The following SEPTIN4 variants were observed in gnomAD, a reference collection of about 807,000 sequenced individuals.
SEPTIN4 encodes the protein septin 4.
SEPTIN4 carries 52 observed loss-of-function variants against 107.1 expected under a neutral mutation model. The ratio of observed to expected loss-of-function variants is 0.49; its 90% confidence interval spans 0.39 to 0.61. The LOEUF is 0.61. Ranked by LOEUF, SEPTIN4 falls within the 20% of genes least tolerant of loss-of-function variation. SEPTIN4 has a pLI of 0.00. For missense variants in SEPTIN4, 1,048 were observed against 1,243.5 expected (o/e 0.84, Z 2.36); for synonymous variants, 417 against 467.0 (o/e 0.89, Z 1.38).
chr17:58,541,714 G>A (rs761574969), intron 2 of SEPTIN4: 1,467 of 1,427,156 alleles, frequency 1.0e-3, no homozygotes, highest in Non-Finnish European at 1.2e-3. Flanking sequence ...GGAGACTCTT[G>A]AAAATGGAAA....
rs775478208 is a variant in SEPTIN4 at position 58,541,980 on chromosome 17, A to G, written c.1562-14T>C. On this transcript the variant is annotated splice_polypyrimidine_tract_variant and intron_variant, in intron 1 of 13. Coordinates refer to ENST00000672673, the MANE Select transcript of SEPTIN4 (RefSeq NM_001368771.2). ...CCTCAGAGACATCTGAAAGTAACAGAGAGATGGTTGCTTTTCTTCTCTCTG... is the reference window on the plus strand; with the variant it reads ...CCTCAGAGACATCTGAAAGTAACAGGGAGATGGTTGCTTTTCTTCTCTCTG... The G allele has an allele frequency of 1.2e-6, 2 of 1,613,196 alleles. No homozygotes were observed. The highest frequency in any genetic ancestry group is 1.7e-6 in the Non-Finnish European group (2 of 1,179,638).
At position 58,526,731 on chromosome 17, in the gene SEPTIN4, G is replaced by T. The variant is rs746550218; in HGVS notation, c.1862C>A (p.Ala621Asp). 7 of 1,609,158 alleles carry T rather than the reference G, an allele frequency of 4.4e-6. No homozygotes were observed. The highest frequency in any genetic ancestry group is 5.9e-6 in the Non-Finnish European group (7 of 1,178,136). ...CTTGCCCCATGGGCTGCGGGGCCTG[G>T]CAGATGGGCTGAGAGGGGCTGGGGC... ...FCAPAPLSPS[A>D]RPRSPWGKLD... The change falls in exon 4 of 14, where the codon GCC becomes GAC. Residue 621 changes from alanine (A) to aspartate (D), a missense_variant. By Grantham distance (126) the Ala-to-Asp change is moderately radical. This residue lies in a region of SEPTIN4 where 787 missense variants were observed against 871.8 expected (regional missense o/e 0.90). Transcript: ENST00000672673.
Position 58,543,374 on chromosome 17 carries a change from T to A in SEPTIN4, c.813A>T (p.Ser271=). 6.2e-7 allele frequency: 1 copy of A among 1,614,206 alleles called. No individual in the cohort carries two copies. Among genetic ancestry groups the A allele is most frequent in the Non-Finnish European group, 8.5e-7 (1 of 1,180,044 alleles). ...CTTTAAGGACAGAGAGTTTGAGCAA[T>A]GAGTCCAAGTTCATATTCCTATACA... ...KALYRNMNLD[S]LLKLSVLKDS... Residue 271 remains serine (S), a synonymous_variant, in exon 1 of 14, where the codon TCA becomes TCT. Transcript: ENST00000672673.
intron 3 of SEPTIN4, among the ~76,000 whole-genome samples, chr17:58,535,387 A>C (rs2043674654): frequency 6.6e-6 from 1 of 152,216 alleles, no homozygotes; most frequent in Non-Finnish European, 1.5e-5. Flanking sequence ...GCAGGGCCAT[A>C]GGAGCTCAGG....
chr17:58,526,336 G>T lies in SEPTIN4; in HGVS notation c.1912-23C>A. The T allele has an allele frequency of 1.3e-6, 2 of 1,521,622 alleles. 1 individual carries two copies. Among genetic ancestry groups the T allele is most frequent in the Middle Eastern group, 3.5e-4 (2 of 5,706 alleles). 94.3% of individuals were successfully genotyped at this position (1,521,622 alleles called of 1,614,324 possible). A position where few individuals can be genotyped will look rare whatever the true frequency, so the allele number is the denominator to read the frequency against. ...ATCCTAGTAGACAGGAAGGCAGAATGCATCACGGTGAGGAGCCAAAGGGGC... is the reference window on the plus strand; with the variant it reads ...ATCCTAGTAGACAGGAAGGCAGAATTCATCACGGTGAGGAGCCAAAGGGGC... On this transcript the variant is annotated intron_variant, in intron 4 of 13. Transcript: ENST00000672673.
At chr17:58,536,327 T>C (rs1225615935) in intron 3 of SEPTIN4, among the ~76,000 whole-genome samples, 1 of 152,204 alleles carries the variant, frequency 6.6e-6, no homozygotes, top group Non-Finnish European at 1.5e-5. Context: ...ATTATCAACA[T>C]CAAACCAGTA....
rs748592991 is a variant in SEPTIN4 at position 58,521,108 on chromosome 17, A to G, written c.2721T>C (p.Arg907=). ...CATCCTTCAGGTCCTGCATGTGGGTACGTACCAGCATTGTCCTCAGCTTCA... is the reference window on the plus strand; with the variant it reads ...CATCCTTCAGGTCCTGCATGTGGGTGCGTACCAGCATTGTCCTCAGCTTCA... ...DFVKLRTMLV[R]THMQDLKDVT... is the part of the protein sequence containing the mutation. The change falls in exon 12 of 14, where the codon CGT becomes CGC. Residue 907 remains arginine, a synonymous_variant. Coordinates refer to ENST00000672673, the MANE Select transcript of SEPTIN4 (RefSeq NM_001368771.2). The surrounding 1 kb of genome is among the most constrained non-coding windows in gnomAD (Gnocchi z 6.4). 27 of 1,614,156 alleles carry G rather than the reference A, an allele frequency of 1.7e-5. No homozygotes were observed. Among genetic ancestry groups the G allele is most frequent in the South Asian group, 1.3e-4 (12 of 91,074 alleles).
At chr17:58,536,549 C>T (rs1374295517) in intron 3 of SEPTIN4, among the ~76,000 whole-genome samples, 2 of 152,162 alleles carry the variant, frequency 1.3e-5, no homozygotes, top group Non-Finnish European at 2.9e-5. Flanking sequence ...TCAGACCTAC[C>T]GACCCAAATT....
chr17:58,521,286 C>T lies in SEPTIN4; in HGVS notation c.2636G>A (p.Arg879Gln), dbSNP rs201800975. Residue 879 changes from arginine (R) to glutamine (Q), a missense_variant, in exon 11 of 14, where the codon CGG becomes CAG. Physicochemically the swap from Arg to Gln is conservative, Grantham distance 43. This residue lies in a region of SEPTIN4 where 261 missense variants were observed against 371.7 expected (regional missense o/e 0.70). Transcript: ENST00000672673. This position sits in a 1 kb window ranked among gnomAD's most constrained non-coding sequence, Gnocchi z 6.4. ...GATGCCCCAGGGGTAGAGTCGACCC[C>T]GAACTCGCCGCCCTCTGGCCTCTAC... Reference protein sequence around the residue: ...TVVEARGRRVRGRLYPWGIVE... With the variant: ...TVVEARGRRVQGRLYPWGIVE... 1.1e-5 allele frequency: 17 copies of T among 1,614,192 alleles called. No individual in the cohort carries two copies. Among genetic ancestry groups the T allele is most frequent in the Admixed American group, 3.3e-5 (2 of 60,032 alleles).
At chr17:58,532,278 G>A (rs2043539484) in intron 3 of SEPTIN4, 1 of 205,504 alleles carries the variant, frequency 4.9e-6, no homozygotes, top group Non-Finnish European at 9.1e-6. Flanking sequence ...CTCGTCCCCG[G>A]GCTGCACTGG....
At chr17:58,523,724 A>T (rs1014395970) in intron 7 of SEPTIN4, among the ~76,000 whole-genome samples, 3 of 151,882 alleles carry the variant, frequency 2.0e-5, no homozygotes, top group African/African-American at 7.3e-5. Context: ...ATTCTTAAAA[A>T]TTTTGAACAC....
chr17:58,541,888 C>T (rs2043886129), intron 2 of SEPTIN4, 34 bp downstream of exon 2: 1 of 1,614,148 alleles, frequency 6.2e-7, no homozygotes, highest in Non-Finnish European at 8.5e-7. Context: ...CCCCAAGCTC[C>T]CACAGTGGGC....
rs1343995203 is a variant in SEPTIN4, at chr17:58,543,512, T to C, written c.675A>G (p.Leu225=). 4.3e-6 allele frequency: 7 copies of C among 1,614,102 alleles called. No individual in the cohort carries two copies. The African/African-American group carries it at 6.7e-5, about 15-fold the overall frequency. Residue 225 remains leucine, a synonymous_variant, in exon 1 of 14, where the codon CTA becomes CTG. Transcript: ENST00000672673. ...EIRSPRSPSL[L]EHGSSCVSAD... ...CAGAGACACAGCTGCTTCCGTGCTC[T>C]AGGAGAGAGGGACTCCTTGGAGATC...
At chr17:58,541,676 C>A in intron 2 of SEPTIN4, 1 of 1,152,006 alleles carries the variant, frequency 8.7e-7, no homozygotes, top group Non-Finnish European at 1.2e-6. Context: ...AAATTATTCT[C>A]CATTCCAGAA....
At chr17:58,536,525 G>C (rs2043717142) in intron 3 of SEPTIN4, among the ~76,000 whole-genome samples, 1 of 152,196 alleles carries the variant, frequency 6.6e-6, no homozygotes, top group Non-Finnish European at 1.5e-5. Flanking sequence ...TCTCTAGAAA[G>C]CTGGTGCTTG....
chr17:58,523,426 G>A (rs1752214211), intron 7 of SEPTIN4, among the ~76,000 whole-genome samples: 2 of 151,512 alleles, frequency 1.3e-5, no homozygotes, highest in South Asian at 4.2e-4. Flanking sequence ...ACTTTCTGTA[G>A]GTCATTTAGC....
At chr17:58,539,464 G>A (rs2043819522) in intron 3 of SEPTIN4, among the ~76,000 whole-genome samples, 1 of 152,164 alleles carries the variant, frequency 6.6e-6, no homozygotes, top group Non-Finnish European at 1.5e-5. Context: ...GCTTTGGAAA[G>A]GAGGGCATAA....
Position 58,544,190 on chromosome 17 carries a change from A to ATAGATTGTGCCCTTCTGAG in SEPTIN4, c.-23_-5dup. ...CAGGTTTATTTGTCTTGACCATCTG[A>ATAGATTGTGCCCTTCTGAG]TAGATTGTGCCCTTCTGAGTAGATC... On this transcript the variant is annotated 5_prime_UTR_variant, in exon 1 of 14. Transcript: ENST00000672673. 1 of 1,606,512 alleles carries ATAGATTGTGCCCTTCTGAG rather than the reference A, an allele frequency of 6.2e-7. No individual in the cohort carries two copies. The highest frequency in any genetic ancestry group is 8.5e-7 in the Non-Finnish European group (1 of 1,176,122).
At position 58,526,795 on chromosome 17, in the gene SEPTIN4, A is replaced by AG. The variant is rs35378753; in HGVS notation, c.1797dup (p.Ser600LeufsTer7). On this transcript the variant is annotated frameshift_variant, in exon 4 of 14. Transcript: ENST00000672673. LOFTEE classifies it high-confidence loss of function. ...TGGTTGTCAGAGGACTGGGGCCGCG[A>AG]GGGGGGTCTGAACTCCAGGTCATCA... The AG allele has an allele frequency of 6.2e-7, 1 of 1,613,442 alleles. No homozygotes were observed. The highest frequency in any genetic ancestry group is 8.5e-7 in the Non-Finnish European group (1 of 1,179,832).
Sources: allele counts gnomAD v4.1 joint callset (sites outside exome capture counted in the v4.1 genomes callset), GRCh38; gene constraint gnomAD v4.1.1; regional missense constraint gnomAD v4.1.1; non-coding constraint Gnocchi (gnomAD v3.1); transcripts MANE v1.5; gene names NCBI Gene and HGNC (gene_info 2026-07-23, HGNC 2026-07-21).